The following FBXO43 variants were observed in gnomAD, a reference collection of about 807,000 sequenced individuals.
FBXO43 encodes the protein F-box protein 43.
In FBXO43, 22 loss-of-function variants were observed where a neutral mutation model predicts 56.7. That is an observed-to-expected ratio of 0.39 (90% confidence interval 0.28 to 0.55). The LOEUF (loss-of-function observed/expected upper bound fraction) is 0.55, where lower values mean the gene tolerates loss of function less well. Among genes scored for constraint, FBXO43 ranks in the 20% least tolerant of loss-of-function variants. The probability of loss-of-function intolerance (pLI) is 0.66; values close to 1 mark genes in which losing one functional copy is unlikely to be tolerated. For missense variants in FBXO43, 733 were observed against 814.9 expected (o/e 0.90, Z 1.22); for synonymous variants, 306 against 294.5 (o/e 1.04, Z -0.40).
Position 100,141,835 on chromosome 8 carries a change from T to C in FBXO43, c.419A>G (p.Glu140Gly). 6.3e-7 allele frequency: 1 copy of C among 1,589,492 alleles called. No individual in the cohort carries two copies. Among genetic ancestry groups the C allele is most frequent in the East Asian group, 2.2e-5 (1 of 44,718 alleles). The change falls in exon 2 of 5, where the codon GAA becomes GGA. Residue 140 changes from glutamate to glycine, a missense_variant. Glu to Gly is a moderately conservative substitution (Grantham distance 98). Transcript: ENST00000428847. ...LPRKEKDKTP[E>G]LCETPKISGK... ...ACTGATTTTAGGTGTTTCACAAAGT[T>C]CTGGGGTTTTATCCTTTTCCTTTCT...
rs934002814 is a variant in FBXO43, at chr8:100,145,808, C to G, written c.-673G>C. On this transcript the variant is annotated 5_prime_UTR_variant, in exon 1 of 5. Transcript: ENST00000428847. The stretch of plus-strand genomic sequence containing the variant: ...TCGCGTGGGGCCGCTGCCTTTACCT[C>G]CTTAGGTTTGAACGGCCCGCCCGGG... The G allele has an allele frequency of 2.6e-5, 4 of 152,526 alleles. No individual in the cohort carries two copies. The highest frequency in any genetic ancestry group is 5.9e-5 in the Non-Finnish European group (4 of 68,290). The allele number at this position is 152,526 out of a possible 1,614,324, so 9.4% of individuals were successfully genotyped here.
Position 100,144,503 on chromosome 8 carries a change from T to C in FBXO43, c.85+548A>G, listed in dbSNP as rs573559068. On this transcript the variant is annotated intron_variant, in intron 1 of 4. Coordinates refer to ENST00000428847, the MANE Select transcript of FBXO43 (RefSeq NM_001029860.4). ...AAATTATTCATGTAAAATCATGGAC[T>C]GTCTGTTGTATTTTATGGACTCAAC... Among the ~76,000 whole-genome samples the C allele has an allele frequency of 2.0e-5, 3 of 152,284 alleles. 1 individual carries two copies. The highest frequency in any genetic ancestry group is 4.2e-4 in the South Asian group (2 of 4,818).
At position 100,144,084 on chromosome 8, in the gene FBXO43, T is replaced by G. The variant is rs1366615165; in HGVS notation, c.85+967A>C. On this transcript the variant is annotated intron_variant, in intron 1 of 4. Coordinates refer to ENST00000428847, the MANE Select transcript of FBXO43 (RefSeq NM_001029860.4). ...CAACGCGCCCGGCAGGTCACGGTCC[T>G]TTTAAAAGGTTATGGCAATTGTACT... Among the ~76,000 whole-genome samples, 2 of 152,226 alleles carry G rather than the reference T, an allele frequency of 1.3e-5. 1 individual carries two copies. The highest frequency in any genetic ancestry group is 4.1e-4 in the South Asian group (2 of 4,834).
chr8:100,145,155 A>C lies in FBXO43; in HGVS notation c.-20T>G, dbSNP rs1467015168. On this transcript the variant is annotated 5_prime_UTR_variant, in exon 1 of 5. Transcript: ENST00000428847. ...ACTCATGCCAAAATAATGCCACTTA[A>C]AGAGGAAAACTTTAGTTTGCACAAT... 4 of 1,595,566 alleles carry C rather than the reference A, an allele frequency of 2.5e-6. No homozygotes were observed. The highest frequency in any genetic ancestry group is 3.4e-6 in the Non-Finnish European group (4 of 1,172,222).
chr8:100,138,620 T>C (rs1482776555), intron 2 of FBXO43, among the ~76,000 whole-genome samples: 1 of 152,352 alleles, frequency 6.6e-6, no homozygotes, highest in East Asian at 1.9e-4. Context: ...ACTGTATGTT[T>C]GGAGAGATGG....
chr8:100,140,392 C>G (rs1814599641), intron 2 of FBXO43, among the ~76,000 whole-genome samples: 1 of 152,140 alleles, frequency 6.6e-6, no homozygotes, highest in South Asian at 2.1e-4. Flanking sequence ...ATGGCGTGAA[C>G]CCGGGAGGCG....
In FBXO43 at chr8:100,141,324, A is replaced by G. The variant is rs749803814; in HGVS notation, c.930T>C (p.Ile310=). 3.7e-6 allele frequency: 6 copies of G among 1,613,932 alleles called. No homozygotes were observed. The Admixed American group carries it at 1.0e-4, about 27-fold the overall frequency. ...VTPISNLVAN[I]RFNASQILSP... The stretch of plus-strand genomic sequence containing the variant: ...AAAGTATTTGACTTGCGTTAAATCT[A>G]ATGTTTGCCACAAGATTACTTATCG... Residue 310 remains isoleucine, a synonymous_variant, in exon 2 of 5, where the codon ATT becomes ATC. Coordinates refer to ENST00000428847, the MANE Select transcript of FBXO43 (RefSeq NM_001029860.4).
intron 2 of FBXO43, among the ~76,000 whole-genome samples, chr8:100,139,923 A>G (rs148987595): frequency 2.5e-4 from 38 of 152,362 alleles, no homozygotes; most frequent in Middle Eastern, 3.4e-3. Flanking sequence ...ATTAAGTGGT[A>G]TTATTTGTAC....
In FBXO43 at chr8:100,134,194, A is replaced by G; in HGVS notation, c.1845T>C (p.Thr615=). The change falls in exon 4 of 5, where the codon ACT becomes ACC. Residue 615 remains threonine, a synonymous_variant. Transcript: ENST00000428847. ...ATTCTTCCTGTTTACTACTTAAGTG[A>G]GTAACAGAAGAGCTTGCTAGAGGTG... ...VLTPLASSSV[T]HLSSKQEEYV... is the part of the protein sequence containing the mutation. 1.2e-6 allele frequency: 2 copies of G among 1,614,180 alleles called. No homozygotes were observed. Among genetic ancestry groups the G allele is most frequent in the Non-Finnish European group, 1.7e-6 (2 of 1,180,016 alleles).
upstream of FBXO43, among the ~76,000 whole-genome samples, chr8:100,148,514 C>T (rs1373439732): frequency 6.6e-6 from 1 of 152,164 alleles, no homozygotes; most frequent in Non-Finnish European, 1.5e-5. Flanking sequence ...CGGGTTCAAG[C>T]GATTCTTGCA....
chr8:100,150,242 C>G (rs571368355), upstream of FBXO43, among the ~76,000 whole-genome samples: 4 of 152,286 alleles, frequency 2.6e-5, no homozygotes, highest in African/African-American at 9.6e-5. Context: ...TTTTTAAAAA[C>G]AATCTGGAAA....
chr8:100,134,500 GAA>G, intron 3 of FBXO43, 136 bp from the exon 4 acceptor site: 1 of 508,926 alleles, frequency 2.0e-6, no homozygotes. Context: ...TTCCTTTTCA[GAA>G]AAAAAAACAA....
chr8:100,144,861 G>A, intron 1 of FBXO43, 190 bp downstream of exon 1: 1 of 490,752 alleles, frequency 2.0e-6, no homozygotes, highest in Non-Finnish European at 3.3e-6. Context: ...GAACCCGGGA[G>A]GTGGAGCTTG....
intron 3 of FBXO43, 39 bp downstream of exon 3, chr8:100,137,526 T>C: frequency 1.5e-6 from 2 of 1,348,768 alleles, no homozygotes; most frequent in East Asian, 4.7e-5. Flanking sequence ...TATTATGTAT[T>C]TATACAAATC....
chr8:100,140,904 G>A lies in FBXO43; in HGVS notation c.1350C>T (p.Phe450=). 3.7e-6 allele frequency: 6 copies of A among 1,614,066 alleles called. No individual in the cohort carries two copies. Among genetic ancestry groups the A allele is most frequent in the Non-Finnish European group, 5.1e-6 (6 of 1,180,016 alleles). The change falls in exon 2 of 5, where the codon TTC becomes TTT. Residue 450 remains phenylalanine, a synonymous_variant. Transcript: ENST00000428847. The part of the protein sequence containing the change: ...TPALQLVHEL[F]MKSKRKRLQE... Reference sequence around the variant, plus strand: ...GTAATCTTTTCCTCTTGCTTTTCATGAACAGCTCATGTACCAATTGCAAGG... The same window carrying A: ...GTAATCTTTTCCTCTTGCTTTTCATAAACAGCTCATGTACCAATTGCAAGG...
At position 100,141,221 on chromosome 8, in the gene FBXO43, C is replaced by G. The variant is rs749719467; in HGVS notation, c.1033G>C (p.Glu345Gln). Residue 345 changes from glutamate to glutamine, a missense_variant, in exon 2 of 5, where the codon GAA becomes CAA. By Grantham distance (29) the Glu-to-Gln change is conservative. Transcript: ENST00000428847. ...CCCTCCTGGTCAGACAGGGAATCTT[C>G]TGATTTCTCCAAGCTAAGTGAGTTA... ...GFNSLSLEKS[E>Q]DSLSDQEGSF... The G allele has an allele frequency of 6.2e-7, 1 of 1,614,180 alleles. No homozygotes were observed. Among genetic ancestry groups the G allele is most frequent in the Admixed American group, 1.7e-5 (1 of 60,024 alleles).
At chr8:100,139,045 C>G (rs1362560869) in intron 2 of FBXO43, among the ~76,000 whole-genome samples, 5 of 152,108 alleles carry the variant, frequency 3.3e-5, no homozygotes, top group Non-Finnish European at 4.4e-5. Flanking sequence ...AAGCCTTAAA[C>G]CTTAATAAGA....
upstream of FBXO43, among the ~76,000 whole-genome samples, chr8:100,147,319 GAGAAC>G (rs1814852598): frequency 6.6e-6 from 1 of 152,226 alleles, no homozygotes; most frequent in Admixed American, 6.5e-5. Context: ...AACTCTACTG[GAGAAC>G]AGAGTGCATG....
chr8:100,141,587 A>G lies in FBXO43; in HGVS notation c.667T>C (p.Leu223=). The change falls in exon 2 of 5, where the codon TTG becomes CTG. Residue 223 remains leucine (L), a synonymous_variant. Coordinates refer to ENST00000428847, the MANE Select transcript of FBXO43 (RefSeq NM_001029860.4). ...TEEVTSCSQK[L]RLNFSQQKTS... ...TTTTGCTGAGAAAAATTAAGCCTCAATTTTTGACTGCATGAAGTCACTTCT... is the reference window on the plus strand; with the variant it reads ...TTTTGCTGAGAAAAATTAAGCCTCAGTTTTTGACTGCATGAAGTCACTTCT... 6.2e-7 allele frequency: 1 copy of G among 1,612,140 alleles called. No individual in the cohort carries two copies. Among genetic ancestry groups the G allele is most frequent in the South Asian group, 1.1e-5 (1 of 91,068 alleles).
Sources: allele counts gnomAD v4.1 joint callset (sites outside exome capture counted in the v4.1 genomes callset), GRCh38; gene constraint gnomAD v4.1.1; transcripts MANE v1.5; gene names NCBI Gene and HGNC (gene_info 2026-07-23, HGNC 2026-07-21).